GREM2: variants seen among roughly 807,000 people sequenced by gnomAD.
GREM2 encodes gremlin 2, DAN family BMP antagonist.
Under a neutral mutation model 14.2 loss-of-function variants are expected in GREM2, and 11 were observed. The ratio of observed to expected loss-of-function variants is 0.78; its 90% CI spans 0.49 to 1.28. GREM2 has a LOEUF of 1.28. Among genes scored for constraint, GREM2 ranks in the 50% most tolerant of loss-of-function variants. The probability of loss-of-function intolerance (pLI) is 0.00; values close to 1 mark genes in which losing one functional copy is unlikely to be tolerated. For missense variants in GREM2, 210 were observed against 218.5 expected (o/e 0.96, Z 0.24); for synonymous variants, 98 against 97.6 (o/e 1.00, Z -0.02).
Position 240,526,797 on chromosome 1 carries a change from T to C in GREM2, c.-1-33321A>G, listed in dbSNP as rs550713853. Among the ~76,000 whole-genome samples, 15 of 152,288 alleles carry C rather than the reference T, an allele frequency of 9.8e-5. No homozygotes were observed. The East Asian group carries it at 2.9e-3, about 29-fold the overall frequency. Reference sequence around the variant, plus strand: ...GTGCTTTAGTGAAAGTCCTTCAATATTTACACGCAGCAAAAAATGGAATTT... The same window carrying C: ...GTGCTTTAGTGAAAGTCCTTCAATACTTACACGCAGCAAAAAATGGAATTT... On this transcript the variant is annotated intron_variant, in intron 1 of 1. Coordinates refer to ENST00000318160, the MANE Select transcript of GREM2 (RefSeq NM_022469.4).
At chr1:240,605,550 A>T (rs1470032377) in intron 1 of GREM2, among the ~76,000 whole-genome samples, 1 of 152,154 alleles carries the variant, frequency 6.6e-6, no homozygotes, top group African/African-American at 2.4e-5. Context: ...GAGATTTTTT[A>T]AAAATCTAAC....
At chr1:240,611,782 G>C (rs1046249204) in intron 1 of GREM2, 102 bp downstream of exon 1, 3 of 152,610 alleles carry the variant, frequency 2.0e-5, no homozygotes, top group African/African-American at 7.2e-5. Flanking sequence ...TTTCGGTCCT[G>C]ACCAGCCACG....
chr1:240,537,932 G>A (rs1678508391), intron 1 of GREM2, among the ~76,000 whole-genome samples: 1 of 152,182 alleles, frequency 6.6e-6, no homozygotes, highest in East Asian at 1.9e-4. Flanking sequence ...ATGTCCTGTA[G>A]AACCTTGCTT....
intron 1 of GREM2, among the ~76,000 whole-genome samples, chr1:240,503,192 C>T (rs563678110): frequency 6.6e-6 from 1 of 152,310 alleles, no homozygotes; most frequent in East Asian, 1.9e-4. Context: ...CTCTGGACTT[C>T]GTGTTCGTGA....
rs1328326193 is a variant in GREM2 at position 240,540,625 on chromosome 1, C to T, written c.-1-47149G>A. Among the ~76,000 whole-genome samples, 2 of 151,142 alleles carry T rather than the reference C, an allele frequency of 1.3e-5. No individual in the cohort carries two copies. The highest frequency in any genetic ancestry group is 6.6e-5 in the Admixed American group (1 of 15,166). The stretch of plus-strand genomic sequence containing the variant: ...GTCGCCAGTTTGGAGTGCAGTGGCA[C>T]GATGTAGACTTACAGCAACCTCTGC... On this transcript the variant is annotated intron_variant, in intron 1 of 1. Coordinates refer to ENST00000318160, the MANE Select transcript of GREM2 (RefSeq NM_022469.4). This position sits in a 1 kb window ranked among gnomAD's most constrained non-coding sequence, Gnocchi z 4.2.
chr1:240,589,273 T>TA (rs1289531763), intron 1 of GREM2: 2 of 151,926 alleles, frequency 1.3e-5, no homozygotes, highest in Non-Finnish European at 2.9e-5. Flanking sequence ...CTGTCTCTAC[T>TA]AAAAATACAA....
chr1:240,553,963 G>T (rs1287712925), intron 1 of GREM2, among the ~76,000 whole-genome samples: 2 of 152,132 alleles, frequency 1.3e-5, no homozygotes, highest in Non-Finnish European at 2.9e-5. Flanking sequence ...AGTGGTTGAG[G>T]GGCTTGTTGG....
chr1:240,527,808 C>A (rs1678257978), intron 1 of GREM2, among the ~76,000 whole-genome samples: 1 of 152,154 alleles, frequency 6.6e-6, no homozygotes. Context: ...ATGGTGAATA[C>A]AAAACTCAAA....
intron 1 of GREM2, among the ~76,000 whole-genome samples, chr1:240,523,646 TTTTTG>T (rs1229778530): frequency 5.3e-5 from 8 of 152,172 alleles, no homozygotes; most frequent in African/African-American, 7.2e-5. Context: ...TCCTTTAGTT[TTTTTG>T]TTTTGTTTTG....
intron 1 of GREM2, among the ~76,000 whole-genome samples, chr1:240,560,188 C>T (rs1324155670): frequency 6.6e-6 from 1 of 152,100 alleles, no homozygotes; most frequent in Non-Finnish European, 1.5e-5. Context: ...AGAATTTTTA[C>T]CGCTGTATGG....
chr1:240,583,834 C>A (rs1409927237), intron 1 of GREM2, among the ~76,000 whole-genome samples: 2 of 152,054 alleles, frequency 1.3e-5, no homozygotes, highest in African/African-American at 4.8e-5. Flanking sequence ...AATCTCTTGA[C>A]CTCGTGATCT....
chr1:240,578,040 A>G (rs1055718395), intron 1 of GREM2, among the ~76,000 whole-genome samples: 9 of 152,144 alleles, frequency 5.9e-5, no homozygotes, highest in Non-Finnish European at 1.2e-4. Flanking sequence ...TGGAGGCAAT[A>G]GGATTACTGT....
At chr1:240,528,736 T>C (rs1240211998) in intron 1 of GREM2, among the ~76,000 whole-genome samples, 1 of 152,156 alleles carries the variant, frequency 6.6e-6, no homozygotes, top group Non-Finnish European at 1.5e-5. Context: ...GTTGCAGCCG[T>C]ACCAAGGCCT....
chr1:240,535,436 T>C (rs140650840), intron 1 of GREM2, among the ~76,000 whole-genome samples: 1 of 152,026 alleles, frequency 6.6e-6, no homozygotes, highest in Non-Finnish European at 1.5e-5. Context: ...AAAGGAGAGA[T>C]TGTGAAAAAA....
intron 1 of GREM2, among the ~76,000 whole-genome samples, chr1:240,607,818 A>G (rs1680058436): frequency 6.6e-6 from 1 of 152,232 alleles, no homozygotes; most frequent in African/African-American, 2.4e-5. Flanking sequence ...TCATTTAATG[A>G]TGGGCTAGTG....
chr1:240,611,074 TA>T (rs11418917), intron 1 of GREM2, among the ~76,000 whole-genome samples: 205 of 144,354 alleles, frequency 1.4e-3, no homozygotes, highest in Middle Eastern at 3.6e-3. Flanking sequence ...CACCTCAAAA[TA>T]AAAAAAAAAA....
At chr1:240,510,512 G>C (rs1267948890) in intron 1 of GREM2, among the ~76,000 whole-genome samples, 2 of 151,660 alleles carry the variant, frequency 1.3e-5, no homozygotes, top group Non-Finnish European at 2.9e-5. Flanking sequence ...GGGGTTTCTT[G>C]TGGGGGCAAT....
intron 1 of GREM2, among the ~76,000 whole-genome samples, chr1:240,595,611 A>G (rs1451492542): frequency 6.6e-6 from 1 of 152,128 alleles, no homozygotes; most frequent in Non-Finnish European, 1.5e-5. Flanking sequence ...AAGGCAATTC[A>G]GGAATGAGGA....
chr1:240,598,449 G>A (rs574382813), intron 1 of GREM2, among the ~76,000 whole-genome samples: 12 of 152,218 alleles, frequency 7.9e-5, no homozygotes, highest in African/African-American at 2.9e-4. Context: ...GAAACATGTG[G>A]GTACATATCA....
Sources: allele counts gnomAD v4.1 joint callset (sites outside exome capture counted in the v4.1 genomes callset), GRCh38; gene constraint gnomAD v4.1.1; non-coding constraint Gnocchi (gnomAD v3.1); transcripts MANE v1.5; gene names NCBI Gene and HGNC (gene_info 2026-07-23, HGNC 2026-07-21).